RALYL: variants seen among roughly 807,000 people sequenced by gnomAD.
The protein encoded by RALYL is RALY RNA binding protein like.
Under a neutral mutation model 35.1 loss-of-function variants are expected in RALYL, and 29 were observed. The observed-to-expected ratio is 0.83, with a 90% CI of 0.61 to 1.13. The LOEUF (loss-of-function observed/expected upper bound fraction) is 1.13. RALYL is among the 50% of genes most tolerant of loss of function. The pLI, the probability that RALYL is intolerant of heterozygous loss-of-function variation, is 0.00. For synonymous variants in RALYL, 120 were observed against 127.6 expected (o/e 0.94, Z 0.40); for missense variants, 359 against 360.4 (o/e 1.00, Z 0.03).
intron 1 of RALYL, among the ~76,000 whole-genome samples, chr8:84,469,575 A>G (rs1050983698): frequency 6.6e-5 from 10 of 152,206 alleles, no homozygotes; most frequent in African/African-American, 2.4e-4. Flanking sequence ...TTAAGTCTGC[A>G]GAGGTTACTG....
intron 1 of RALYL, among the ~76,000 whole-genome samples, chr8:84,415,917 G>A (rs553286184): frequency 1.2e-4 from 18 of 152,280 alleles, no homozygotes; most frequent in African/African-American, 4.1e-4. Flanking sequence ...AGTGCTCTCA[G>A]ATATGAGTAT....
At chr8:84,665,622 T>G (rs1485721384) in intron 2 of RALYL, 1 of 152,040 alleles carries the variant, frequency 6.6e-6, no homozygotes, top group African/African-American at 2.4e-5. Flanking sequence ...CTCTAATGGT[T>G]GTTTGTATTT....
chr8:84,917,548 A>T (rs1848679178), intron 8 of RALYL, among the ~76,000 whole-genome samples: 1 of 150,856 alleles, frequency 6.6e-6, no homozygotes. Flanking sequence ...CTGTTGGGAA[A>T]TTACATACTA....
intron 2 of RALYL, among the ~76,000 whole-genome samples, chr8:84,544,738 AT>A (rs1444412031): frequency 6.6e-6 from 1 of 152,068 alleles, no homozygotes; most frequent in Non-Finnish European, 1.5e-5. Context: ...TATCTATCAT[AT>A]TATTCAACTT....
At chr8:84,569,644 A>G (rs895493696) in intron 2 of RALYL, among the ~76,000 whole-genome samples, 4 of 151,702 alleles carry the variant, frequency 2.6e-5, no homozygotes, top group Non-Finnish European at 4.4e-5. Context: ...TAGGGTCTTC[A>G]TTATAAATTC....
chr8:84,754,958 C>T (rs750398504), intron 2 of RALYL, among the ~76,000 whole-genome samples: 2 of 152,172 alleles, frequency 1.3e-5, no homozygotes, highest in Non-Finnish European at 2.9e-5. Context: ...GCTTGGGTAA[C>T]TTGCCCAAGT....
chr8:84,191,996 T>G (rs1433627508), intron 1 of RALYL, among the ~76,000 whole-genome samples: 1 of 152,224 alleles, frequency 6.6e-6, no homozygotes, highest in Non-Finnish European at 1.5e-5. Flanking sequence ...GAATAACATA[T>G]TCTCATAGTG....
At chr8:84,622,438 A>G (rs916233393) in intron 2 of RALYL, among the ~76,000 whole-genome samples, 3 of 152,304 alleles carry the variant, frequency 2.0e-5, no homozygotes, top group African/African-American at 7.2e-5. Context: ...AAGTATTTAA[A>G]AATTTTGGAA....
rs542221334 is a variant in RALYL at position 84,339,498 on chromosome 8, G to A, written c.-24+155074G>A. On this transcript the variant is annotated intron_variant, in intron 1 of 8. Transcript: ENST00000521268. Reference sequence around the variant, plus strand: ...GTCTCCCAGATGGGACCATCTAGTTGCAGGAAAACAAGCTGTGGGCTCCCA... The same window carrying A: ...GTCTCCCAGATGGGACCATCTAGTTACAGGAAAACAAGCTGTGGGCTCCCA... Among the ~76,000 whole-genome samples the A allele has an allele frequency of 2.6e-5, 4 of 151,890 alleles. No individual in the cohort carries two copies. The South Asian group carries it at 8.3e-4, about 32-fold the overall frequency.
At chr8:84,660,158 A>G (rs1237614789) in intron 2 of RALYL, among the ~76,000 whole-genome samples, 1 of 152,156 alleles carries the variant, frequency 6.6e-6, no homozygotes, top group Non-Finnish European at 1.5e-5. Context: ...GGATATAATA[A>G]CCCTATTGAA....
intron 1 of RALYL, among the ~76,000 whole-genome samples, chr8:84,252,809 C>G (rs577401269): frequency 6.6e-6 from 1 of 152,036 alleles, no homozygotes; most frequent in Admixed American, 6.6e-5. Context: ...ATTGATAACC[C>G]CTTCAGTTTT....
chr8:84,276,351 A>G (rs1295061531), intron 1 of RALYL, among the ~76,000 whole-genome samples: 1 of 152,156 alleles, frequency 6.6e-6, no homozygotes, highest in Non-Finnish European at 1.5e-5. Context: ...ACCTTTATGG[A>G]ACCTAATGTG....
At chr8:84,863,722 A>G (rs1268748626) in intron 6 of RALYL, among the ~76,000 whole-genome samples, 1 of 152,234 alleles carries the variant, frequency 6.6e-6, no homozygotes, top group Non-Finnish European at 1.5e-5. Context: ...GCAGGAAGGT[A>G]CTGATGCTTC....
intron 1 of RALYL, among the ~76,000 whole-genome samples, chr8:84,221,778 C>A (rs1259009044): frequency 6.6e-6 from 1 of 151,930 alleles, no homozygotes; most frequent in Non-Finnish European, 1.5e-5. Flanking sequence ...GTTTCAGTAT[C>A]CCTATACTTG....
chr8:84,524,738 A>T (rs966549301), intron 1 of RALYL, among the ~76,000 whole-genome samples: 8 of 152,144 alleles, frequency 5.3e-5, no homozygotes, highest in Non-Finnish European at 7.4e-5. Context: ...TATTCTGATC[A>T]CATTTCTTTA....
intron 2 of RALYL, among the ~76,000 whole-genome samples, chr8:84,685,591 G>A (rs1203017973): frequency 6.6e-6 from 1 of 152,112 alleles, no homozygotes; most frequent in Non-Finnish European, 1.5e-5. Context: ...GTTACTAATG[G>A]TAGTATAGTC....
chr8:84,642,793 T>G (rs1344596856), intron 2 of RALYL, among the ~76,000 whole-genome samples: 1 of 143,826 alleles, frequency 7.0e-6, no homozygotes, highest in African/African-American at 2.9e-5. Context: ...GAAGAGAGGA[T>G]GAAAGAGAAA....
intron 1 of RALYL, among the ~76,000 whole-genome samples, chr8:84,328,779 C>A (rs1846292141): frequency 6.6e-6 from 1 of 152,080 alleles, no homozygotes; most frequent in African/African-American, 2.4e-5. Context: ...CTCTGGGAGT[C>A]CCCAGTGTCT....
intron 2 of RALYL, among the ~76,000 whole-genome samples, chr8:84,658,222 T>C (rs1830295843): frequency 1.3e-5 from 2 of 152,186 alleles, no homozygotes; most frequent in South Asian, 4.1e-4. Flanking sequence ...ACTCTTCCTA[T>C]AGTTTATTGA....
Sources: gnomAD v4.1 joint callset for allele counts (sites outside exome capture counted in the v4.1 genomes callset) on GRCh38, gnomAD v4.1.1 for gene constraint, MANE v1.5 for transcripts, NCBI Gene and HGNC (gene_info 2026-07-23, HGNC 2026-07-21) for gene names.